Variants in PLXNB1 observed in about 807,000 individuals in gnomAD.
The protein encoded by PLXNB1 is plexin-B1.
In PLXNB1, 106 loss-of-function variants were observed where a neutral mutation model predicts 209.4. That is an observed-to-expected ratio of 0.51 (90% CI 0.43 to 0.59). The LOEUF is 0.59. PLXNB1 is among the 20% of genes least tolerant of loss of function. PLXNB1 has a pLI of 0.00. For synonymous variants in PLXNB1, 1,167 were observed against 1,183.2 expected, an observed-to-expected ratio of 0.99 and a Z score of 0.28; for missense variants, 2,357 against 2,853.2, an observed-to-expected ratio of 0.83 and a Z score of 3.96.
rs754923082 is a variant in PLXNB1 at position 48,420,068 on chromosome 3, C to T, written c.2218G>A (p.Ala740Thr). ...GGGGAAGATATGGAGCCAGAACCTG[C>T]CCATGGCCCCCAGGGGCTGAGCAGG... ...PSLLSPWGPW[A>T]GSGSISSPGS... The change falls in exon 11 of 38, where the codon GCA (alanine) becomes ACA (threonine). Residue 740 changes from alanine (A) to threonine (T), a missense_variant. Coordinates refer to ENST00000296440, the MANE Select transcript of PLXNB1 (RefSeq NM_001130082.3). 2.5e-6 allele frequency: 4 copies of T among 1,613,318 alleles called. No homozygotes were observed. In the South Asian group the frequency reaches 3.3e-5, roughly 13 times the overall value.
In PLXNB1 at chr3:48,418,623, A is replaced by G. The variant is rs543760191; in HGVS notation, c.2956-81T>C. On this transcript the variant is annotated intron_variant, in intron 13 of 37. Coordinates refer to ENST00000296440, the MANE Select transcript of PLXNB1 (RefSeq NM_001130082.3). This position sits in a 1 kb window ranked among gnomAD's most constrained non-coding sequence, Gnocchi z 6.6. ...GGAGGGGTTAGTCAGAGAAAGGACT[A>G]AAACGACCAGTTAGGAGCATAGGGT... 48 of 1,238,248 alleles carry G rather than the reference A, an allele frequency of 3.9e-5. No homozygotes were observed. In the South Asian group the frequency reaches 5.7e-4, roughly 15 times the overall value. The allele number at this position is 1,238,248 out of a possible 1,614,324, so 76.7% of individuals were successfully genotyped here.
Position 48,424,199 on chromosome 3 carries a change from C to A in PLXNB1, c.413G>T (p.Gly138Val), listed in dbSNP as rs748165727. 6.3e-7 allele frequency: 1 copy of A among 1,594,586 alleles called. No homozygotes were observed. The highest frequency in any genetic ancestry group is 1.3e-5 in the African/African-American group (1 of 74,606). The change falls in exon 3 of 38, where the codon GGG (glycine) becomes GTG (valine). Residue 138 changes from glycine (G) to valine (V), a missense_variant. Transcript: ENST00000296440. ...ATTGGCAGCCACATATTGTGTGTCC[C>A]CAGGCCGCTCTGGCCGCAGCAGCAG... ...EQLLLRPERP[G>V]DTQYVAANDP...
rs1575382435 is a variant in PLXNB1, at chr3:48,410,660, G to A, written c.5417-102C>T. The A allele has an allele frequency of 4.6e-6, 5 of 1,075,382 alleles. No individual in the cohort carries two copies. In the East Asian group the frequency reaches 1.3e-4, roughly 27 times the overall value. 66.6% of individuals were successfully genotyped at this position (1,075,382 alleles called of 1,614,324 possible). A position where few individuals can be genotyped will look rare whatever the true frequency, so the allele number is the denominator to read the frequency against. On this transcript the variant is annotated intron_variant, in intron 29 of 37. Transcript: ENST00000296440. This position sits in a 1 kb window ranked among gnomAD's most constrained non-coding sequence, Gnocchi z 6.4. ...GGGACACCAGCCCCTCCATCATGGG[G>A]CAGCCTTACTCAACCTCTCCAAAGA...
rs1263803179 is a variant in PLXNB1 at position 48,406,376 on chromosome 3, TCTG to T, written c.6228+444_6228+446del. Among the ~76,000 whole-genome samples the T allele has an allele frequency of 6.6e-6, 1 of 152,206 alleles. No individual in the cohort carries two copies. Among genetic ancestry groups the T allele is most frequent in the Non-Finnish European group, 1.5e-5 (1 of 68,034 alleles). On this transcript the variant is annotated intron_variant, in intron 36 of 37. Transcript: ENST00000296440. This position sits in a 1 kb window ranked among gnomAD's most constrained non-coding sequence, Gnocchi z 4.4. ...TCACACACAACACCCCAAAATTATA[TCTG>T]CTATTAGTGTTGTGGTTGTCATCAT...
In PLXNB1 at chr3:48,409,039, T is replaced by A. The variant is rs1287444860; in HGVS notation, c.6087+290A>T. 2.0e-5 allele frequency among the ~76,000 whole-genome samples: 3 copies of A among 152,168 alleles called. No homozygotes were observed. The highest frequency in any genetic ancestry group is 1.5e-5 in the Non-Finnish European group (1 of 68,034). ...TGGCTCCCACTGCCCCAGGAGTGAG[T>A]CCTGACCAACTGGCCCTGGCCTACT... On this transcript the variant is annotated intron_variant, in intron 34 of 37. Transcript: ENST00000296440. The surrounding 1 kb of genome is among the most constrained non-coding windows in gnomAD (Gnocchi z 5.8).
In PLXNB1 at chr3:48,423,749, G is replaced by T. The variant is rs747568586; in HGVS notation, c.863C>A (p.Ala288Glu). The change falls in exon 3 of 38, where the codon GCG becomes GAG. Residue 288 changes from alanine to glutamate, a missense_variant. Around this residue, in one of 7 missense-constraint regions of PLXNB1, gnomAD observed 404 missense variants for 443.6 expected, o/e 0.91. Transcript: ENST00000296440. ...AAAVATSREV[A>E]HGEVLFAAFS... Reference sequence around the variant, plus strand: ...AGCTGCAAAGAGCACCTCCCCATGCGCCACCTCCCTGGACGTGGCCACAGC... The same window carrying T: ...AGCTGCAAAGAGCACCTCCCCATGCTCCACCTCCCTGGACGTGGCCACAGC... The T allele has an allele frequency of 7.3e-5, 117 of 1,613,730 alleles. 1 individual carries two copies. Among genetic ancestry groups the T allele is most frequent in the South Asian group, 2.2e-5 (2 of 91,088 alleles).
In PLXNB1 at chr3:48,415,047, A is replaced by G. The variant is rs199783866; in HGVS notation, c.3967-6T>C. 1 of 1,611,998 alleles carries G rather than the reference A, an allele frequency of 6.2e-7. No individual in the cohort carries two copies. Among genetic ancestry groups the G allele is most frequent in the East Asian group, 2.2e-5 (1 of 44,842 alleles). On this transcript the variant is annotated splice_region_variant and splice_polypyrimidine_tract_variant and intron_variant, in intron 20 of 37. Transcript: ENST00000296440. The surrounding 1 kb of genome is among the most constrained non-coding windows in gnomAD (Gnocchi z 5.0). ...ACATGGCACGGCTCCTCAAACTGGA[A>G]GGAAGACAGGCAGGTTGACGAGGGG...
At position 48,419,664 on chromosome 3, in the gene PLXNB1, G is replaced by A. The variant is rs1560065551; in HGVS notation, c.2622C>T (p.Asp874=). 6.2e-6 allele frequency: 10 copies of A among 1,612,634 alleles called. No individual in the cohort carries two copies. The highest frequency in any genetic ancestry group is 8.5e-6 in the Non-Finnish European group (10 of 1,179,956). Residue 874 remains aspartate (D), a synonymous_variant, in exon 11 of 38, where the codon GAC becomes GAT. Coordinates refer to ENST00000296440, the MANE Select transcript of PLXNB1 (RefSeq NM_001130082.3). The surrounding 1 kb of genome is among the most constrained non-coding windows in gnomAD (Gnocchi z 5.7). Reference sequence around the variant, plus strand: ...CGGGAGGGCCCTCAAGCTCTGCTGAGTCTCCATCACCTGAGAGGAGGGTGG... The same window carrying A: ...CGGGAGGGCCCTCAAGCTCTGCTGAATCTCCATCACCTGAGAGGAGGGTGG... ...STSTLLSGDG[D]SAELEGPPAP... is the part of the protein sequence containing the mutation.
rs1270181339 is a variant in PLXNB1 at position 48,413,807 on chromosome 3, C to A, written c.4398G>T (p.Gly1466=). 6.2e-7 allele frequency: 1 copy of A among 1,613,440 alleles called. No individual in the cohort carries two copies. The highest frequency in any genetic ancestry group is 8.5e-7 in the Non-Finnish European group (1 of 1,179,718). Residue 1466 remains glycine, a synonymous_variant, in exon 23 of 38, where the codon GGG becomes GGT. Transcript: ENST00000296440. This position sits in a 1 kb window ranked among gnomAD's most constrained non-coding sequence, Gnocchi z 5.4. ...CGTGACCCAGGGAGAAGCGCAAGTT[C>A]CCCATCTGCACCTGTGTCAGGAGCC... ...DSLPEFTVQM[G]NLRFSLGHVQ... is the part of the protein sequence containing the mutation.
At position 48,419,860 on chromosome 3, in the gene PLXNB1, G is replaced by A; in HGVS notation, c.2426C>T (p.Ala809Val). The A allele has an allele frequency of 6.4e-7, 1 of 1,568,922 alleles. No homozygotes were observed. The highest frequency in any genetic ancestry group is 8.7e-7 in the Non-Finnish European group (1 of 1,155,614). Residue 809 changes from alanine to valine, a missense_variant, in exon 11 of 38, where the codon GCT becomes GTT. Transcript: ENST00000296440. The surrounding 1 kb of genome is among the most constrained non-coding windows in gnomAD (Gnocchi z 5.7). ...GTCCAGGGGCACTGTGGGATGAAGA[G>A]CCTCGGGGCCAGGGTCTGCAGGGGG... is the stretch of plus-strand genomic sequence containing the variant. The part of the protein sequence containing the change: ...AVPPADPGPE[A>V]LHPTVPLDLP...
rs1015540185 is a variant in PLXNB1, at chr3:48,429,779, G to C, written c.-60+229C>G. Among the ~76,000 whole-genome samples the C allele has an allele frequency of 1.3e-5, 2 of 152,090 alleles. No homozygotes were observed. The highest frequency in any genetic ancestry group is 6.5e-5 in the Admixed American group (1 of 15,290). On this transcript the variant is annotated intron_variant, in intron 1 of 37. Transcript: ENST00000296440. The surrounding 1 kb of genome is among the most constrained non-coding windows in gnomAD (Gnocchi z 6.4). Reference sequence around the variant, plus strand: ...TGCTCGCCTCCTTGGAACCGGAACTGGGAACTTTCCTGGTTGCCAGGAGCC... The same window carrying C: ...TGCTCGCCTCCTTGGAACCGGAACTCGGAACTTTCCTGGTTGCCAGGAGCC...
intron 1 of PLXNB1, among the ~76,000 whole-genome samples, chr3:48,426,434 G>A (rs1260887721): frequency 2.6e-5 from 4 of 152,226 alleles, no homozygotes; most frequent in Admixed American, 6.5e-5. Flanking sequence ...CCCAGGCCAC[G>A]TTGCCCAGCC....
chr3:48,419,616 G>A lies in PLXNB1; in HGVS notation c.2670C>T (p.Ser890=). The A allele has an allele frequency of 6.2e-7, 1 of 1,612,384 alleles. No homozygotes were observed. Among genetic ancestry groups the A allele is most frequent in the Non-Finnish European group, 8.5e-7 (1 of 1,179,720 alleles). The change falls in exon 11 of 38, where the codon AGC becomes AGT. Residue 890 remains serine (S), a synonymous_variant. Coordinates refer to ENST00000296440, the MANE Select transcript of PLXNB1 (RefSeq NM_001130082.3). This position sits in a 1 kb window ranked among gnomAD's most constrained non-coding sequence, Gnocchi z 5.7. ...CGGGGGTGTCATACTGGTAGTCGAG[G>A]CTGGACGGGAGGATGAGGGGGGCGG... ...GPPAPLILPS[S]LDYQYDTPGL... is the part of the protein sequence containing the mutation.
rs1407277670 is a variant in PLXNB1 at position 48,406,665 on chromosome 3, G to T, written c.6228+158C>A. On this transcript the variant is annotated intron_variant, in intron 36 of 37. Transcript: ENST00000296440. This position sits in a 1 kb window ranked among gnomAD's most constrained non-coding sequence, Gnocchi z 4.4. ...ATGGTGGGAGCCCTGGTCTTTCAGT[G>T]GCAGTTGGAACATTCTGCATTTATG... 1 of 1,426,372 alleles carries T rather than the reference G, an allele frequency of 7.0e-7. No individual in the cohort carries two copies. Among genetic ancestry groups the T allele is most frequent in the African/African-American group, 1.4e-5 (1 of 69,518 alleles). The allele number at this position is 1,426,372 out of a possible 1,614,324, so 88.4% of individuals were successfully genotyped here.
Position 48,418,272 on chromosome 3 carries a change from C to T in PLXNB1, c.3141G>A (p.Glu1047=). The T allele has an allele frequency of 5.6e-6, 9 of 1,613,670 alleles. No homozygotes were observed. The highest frequency in any genetic ancestry group is 7.6e-6 in the Non-Finnish European group (9 of 1,180,030). ...CCTCCCGGGTCACACAACGTGGACG[C>T]TCCCCCTCACACCACACACAGCCAT... ...PQYGCVWCEG[E]RPRCVTREAC... The change falls in exon 15 of 38, where the codon GAG becomes GAA. Residue 1047 remains glutamate (E), a synonymous_variant. Transcript: ENST00000296440. The surrounding 1 kb of genome is among the most constrained non-coding windows in gnomAD (Gnocchi z 6.6).
At chr3:48,425,798 T>C (rs1387212657) in intron 1 of PLXNB1, among the ~76,000 whole-genome samples, 2 of 148,430 alleles carry the variant, frequency 1.3e-5, no homozygotes, top group Non-Finnish European at 3.0e-5. Context: ...TGTATGTATA[T>C]GCCTACAACA....
chr3:48,404,753 G>C (rs1002638551), intron 37 of PLXNB1, among the ~76,000 whole-genome samples, 163 bp from the exon 38 acceptor site: 1 of 152,120 alleles, frequency 6.6e-6, no homozygotes, highest in East Asian at 1.9e-4. Flanking sequence ...CCTCGCTGGC[G>C]GGAGGGGTAA....
At chr3:48,426,591 G>A (rs967243326) in intron 1 of PLXNB1, among the ~76,000 whole-genome samples, 2 of 152,250 alleles carry the variant, frequency 1.3e-5, no homozygotes, top group African/African-American at 4.8e-5. Flanking sequence ...AAGGCTCAGG[G>A]GAGGGTCCAG....
At position 48,413,940 on chromosome 3, in the gene PLXNB1, C is replaced by T. The variant is rs774404588; in HGVS notation, c.4341G>A (p.Arg1447=). 3.1e-6 allele frequency: 5 copies of T among 1,612,694 alleles called. No individual in the cohort carries two copies. Among genetic ancestry groups the T allele is most frequent in the Non-Finnish European group, 4.2e-6 (5 of 1,179,400 alleles). ...CAGGTGCCTCTCGGAGGGCATGGTG[C>T]CGTGGCAGGGGCTGCTCCACGGGGG... The part of the protein sequence containing the change: ...CEPPVEQPLP[R]HHALREAPDS... Residue 1447 remains arginine (R), a synonymous_variant, in exon 22 of 38, where the codon CGG becomes CGA. Transcript: ENST00000296440. The surrounding 1 kb of genome is among the most constrained non-coding windows in gnomAD (Gnocchi z 5.4).
Sources: gnomAD v4.1 joint callset for allele counts (sites outside exome capture counted in the v4.1 genomes callset) on GRCh38, gnomAD v4.1.1 for gene constraint, gnomAD v4.1.1 regional missense constraint, Gnocchi (gnomAD v3.1) non-coding constraint, MANE v1.5 for transcripts, NCBI Gene and HGNC (gene_info 2026-07-23, HGNC 2026-07-21) for gene names.